The following ABCC3 variants were observed in gnomAD, a reference collection of about 807,000 sequenced individuals.
ABCC3 encodes ATP-binding cassette sub-family C member 3.
A neutral mutation model predicts 165.3 loss-of-function variants in ABCC3; 121 were observed. That is an observed-to-expected ratio of 0.73 (90% CI 0.63 to 0.85). The LOEUF (loss-of-function observed/expected upper bound fraction) is 0.85. Ranked by LOEUF, ABCC3 falls within the 40% of genes least tolerant of loss-of-function variation. ABCC3 has a pLI of 0.00. For synonymous variants in ABCC3, 733 were observed against 810.1 expected, an observed-to-expected ratio of 0.90 and a Z score of 1.62; for missense variants, 1,869 against 1,964.1, an observed-to-expected ratio of 0.95 and a Z score of 0.92.
chr17:50,660,883 T>TC (rs755419746), intron 7 of ABCC3, 40 bp from the exon 8 acceptor site: 2 of 1,538,422 alleles, frequency 1.3e-6, no homozygotes, highest in African/African-American at 2.8e-5. Flanking sequence ...GGAGCCCCTG[T>TC]CCCCATTCCT....
chr17:50,649,577 T>C (rs1215719082), intron 1 of ABCC3, among the ~76,000 whole-genome samples: 1 of 127,256 alleles, frequency 7.9e-6, no homozygotes, highest in African/African-American at 2.9e-5. Flanking sequence ...AGTGAGACTT[T>C]GTCAAAAAAA....
intron 17 of ABCC3, among the ~76,000 whole-genome samples, chr17:50,670,170 C>G (rs150409050): frequency 6.6e-6 from 1 of 152,190 alleles, no homozygotes; most frequent in African/African-American, 2.4e-5. Flanking sequence ...GCAACCTCCA[C>G]CTCCCGGGTT....
intron 8 of ABCC3, 136 bp from the exon 9 acceptor site, chr17:50,663,545 C>G: frequency 9.8e-7 from 1 of 1,022,774 alleles, no homozygotes; most frequent in Non-Finnish European, 1.4e-6. Context: ...CCCTCCCTGG[C>G]CCAAGAGGTT....
At chr17:50,650,254 T>C (rs1007144871) in intron 1 of ABCC3, among the ~76,000 whole-genome samples, 8 of 152,054 alleles carry the variant, frequency 5.3e-5, no homozygotes, top group African/African-American at 1.9e-4. Flanking sequence ...TACAGGCGCC[T>C]GCCACCACAC....
intron 26 of ABCC3, among the ~76,000 whole-genome samples, chr17:50,680,940 G>C (rs1989283): frequency 6.6e-6 from 1 of 151,964 alleles, no homozygotes; most frequent in Non-Finnish European, 1.5e-5. Flanking sequence ...GCTGGGCGTG[G>C]TGGTGCACAC....
At chr17:50,650,111 C>G (rs761068204) in intron 1 of ABCC3, among the ~76,000 whole-genome samples, 11 of 152,132 alleles carry the variant, frequency 7.2e-5, no homozygotes, top group Non-Finnish European at 8.8e-5. Flanking sequence ...AGTTTTGCAT[C>G]AGTGTAATTT....
At chr17:50,675,088 A>G (rs904255898) in intron 19 of ABCC3, among the ~76,000 whole-genome samples, 15 of 152,196 alleles carry the variant, frequency 9.9e-5, no homozygotes, top group African/African-American at 3.6e-4. Flanking sequence ...GTGAGCCACC[A>G]TGCCCGACCA....
At position 50,681,004 on chromosome 17, in the gene ABCC3, C is replaced by T. The variant is rs550097542; in HGVS notation, c.3807+1105C>T. Among the ~76,000 whole-genome samples the T allele has an allele frequency of 6.6e-5, 10 of 151,508 alleles. No individual in the cohort carries two copies. In the East Asian group the frequency reaches 1.2e-3, roughly 18 times the overall value. On this transcript the variant is annotated intron_variant, in intron 26 of 30. Transcript: ENST00000285238. ...GGCAGGAGAATCGCTTGAACCCAGG[C>T]GGTGGAGGTTGCAGTGAGCCGAGAT...
At chr17:50,650,402 C>T (rs939042293) in intron 1 of ABCC3, among the ~76,000 whole-genome samples, 1 of 152,182 alleles carries the variant, frequency 6.6e-6, no homozygotes. Context: ...CCACTGCACC[C>T]GGTCGCTAAC....
chr17:50,653,287 A>G (rs1245577130), intron 1 of ABCC3, among the ~76,000 whole-genome samples: 1 of 148,630 alleles, frequency 6.7e-6, no homozygotes, highest in Non-Finnish European at 1.5e-5. Flanking sequence ...TGGTGGTTGC[A>G]GTGAACCGAG....
At chr17:50,673,971 T>TCCTTCCTTC (rs1567835528) in intron 19 of ABCC3, among the ~76,000 whole-genome samples, 2 of 14,670 alleles carry the variant, frequency 1.4e-4, no homozygotes, top group Non-Finnish European at 1.2e-4. Flanking sequence ...TTTCTTTCTT[T>TCCTTCCTTC]CTTTCTTTCT....
intron 1 of ABCC3, among the ~76,000 whole-genome samples, chr17:50,644,906 C>A (rs1966970673): frequency 6.6e-6 from 1 of 151,834 alleles, no homozygotes; most frequent in African/African-American, 2.4e-5. Context: ...TAGTCTCAGC[C>A]AATCAGGAGG....
At position 50,675,963 on chromosome 17, in the gene ABCC3, TC is replaced by T. The variant is rs764387036; in HGVS notation, c.2941del (p.Gln981LysfsTer30). The T allele has an allele frequency of 4.3e-6, 7 of 1,613,974 alleles. No individual in the cohort carries two copies. In the African/African-American group the frequency reaches 9.3e-5, roughly 22 times the overall value. Reference sequence around the variant, plus strand: ...TGGCCATCTGTCTCCTGTATGTGGGTCAAAGTGCGGCTGCCATTGGAGCCAA... The same window carrying T: ...TGGCCATCTGTCTCCTGTATGTGGGTAAAGTGCGGCTGCCATTGGAGCCAA... Reference protein sequence around the residue: ...TLAICLLYVGQSAAAIGANVW... With the variant: ...TLAICLLYVGXSAAAIGANVW... On this transcript the variant is annotated frameshift_variant, in exon 22 of 31. Transcript: ENST00000285238. LOFTEE classifies it high-confidence loss of function.
At chr17:50,686,524 G>T (rs138822684) in intron 29 of ABCC3, among the ~76,000 whole-genome samples, 1 of 152,002 alleles carries the variant, frequency 6.6e-6, no homozygotes, top group African/African-American at 2.4e-5. Flanking sequence ...ACATAACCAC[G>T]TGGGGGTGGC....
intron 1 of ABCC3, 170 bp downstream of exon 1, chr17:50,635,151 C>A: frequency 1.5e-6 from 1 of 686,888 alleles, no homozygotes; most frequent in Non-Finnish European, 2.2e-6. Flanking sequence ...GTTGGCTGCG[C>A]CGCCCGGAGC....
intron 26 of ABCC3, among the ~76,000 whole-genome samples, chr17:50,683,025 G>A (rs572820296): frequency 1.3e-5 from 2 of 152,196 alleles, no homozygotes; most frequent in South Asian, 4.1e-4. Context: ...TCAACACAGC[G>A]AGACACAGTC....
intron 28 of ABCC3, among the ~76,000 whole-genome samples, 155 bp downstream of exon 28, chr17:50,684,262 C>G (rs921691018): frequency 2.0e-4 from 30 of 152,196 alleles, no homozygotes; most frequent in Non-Finnish European, 3.5e-4. Flanking sequence ...CATCAGTGAG[C>G]CACCCGTCAT....
intron 1 of ABCC3, among the ~76,000 whole-genome samples, chr17:50,654,904 A>G (rs527504942): frequency 7.2e-4 from 106 of 147,716 alleles, no homozygotes; most frequent in Non-Finnish European, 1.4e-3. Context: ...CATCCTGGCT[A>G]ACACAGGTGA....
Position 50,691,736 on chromosome 17 carries a change from G to C in ABCC3, c.*536G>C. 1 of 152,454 alleles carries C rather than the reference G, an allele frequency of 6.6e-6. No homozygotes were observed. Among genetic ancestry groups the C allele is most frequent in the Non-Finnish European group, 1.5e-5 (1 of 68,272 alleles). 9.4% of individuals were successfully genotyped at this position (152,454 alleles called of 1,614,324 possible). A position where few individuals can be genotyped will look rare whatever the true frequency, so the allele number is the denominator to read the frequency against. ...GTAGTCTTTTTGCACTTGTTCACAA[G>C]GTTTGGGGATTAGGATCTTTGGAGG... On this transcript the variant is annotated 3_prime_UTR_variant, in exon 31 of 31. Transcript: ENST00000285238.
Sources: allele counts gnomAD v4.1 joint callset (sites outside exome capture counted in the v4.1 genomes callset), GRCh38; gene constraint gnomAD v4.1.1; transcripts MANE v1.5; gene names NCBI Gene and HGNC (gene_info 2026-07-23, HGNC 2026-07-21).